The following CASZ1 variants were observed in gnomAD, a reference collection of about 807,000 sequenced individuals.
The protein encoded by CASZ1 is castor zinc finger 1.
In CASZ1, 28 loss-of-function variants were observed where a neutral mutation model predicts 135.2. That is an observed-to-expected ratio of 0.21 (90% CI 0.15 to 0.28). CASZ1 has a LOEUF of 0.28. CASZ1 is among the 10% of genes least tolerant of loss of function. The pLI is 1.00. For missense variants in CASZ1, 2,161 were observed against 2,453.3 expected (o/e 0.88, Z 2.52); for synonymous variants, 1,068 against 1,073.4 (o/e 0.99, Z 0.10).
chr1:10,734,428 C>T (rs1210533594), intron 2 of CASZ1, among the ~76,000 whole-genome samples: 1 of 152,072 alleles, frequency 6.6e-6, no homozygotes, highest in African/African-American at 2.4e-5. Flanking sequence ...TCCCAGTCCC[C>T]ACCTGCTAAC....
chr1:10,674,251 C>T (rs944635408), intron 4 of CASZ1, among the ~76,000 whole-genome samples: 1 of 152,252 alleles, frequency 6.6e-6, no homozygotes, highest in Non-Finnish European at 1.5e-5. Flanking sequence ...ATGGGAAGAC[C>T]TTCTAAGAGG....
In CASZ1 at chr1:10,676,631, C is replaced by G. The variant is rs911829226; in HGVS notation, c.17-11060G>C. 2.4e-4 allele frequency among the ~76,000 whole-genome samples: 37 copies of G among 152,202 alleles called. No homozygotes were observed. The highest frequency in any genetic ancestry group is 8.2e-4 in the African/African-American group (34 of 41,436). ...GTGCCCTGGGATCCTATTTCCACAG[C>G]AGGCCTCCCTCCACCTTGGTGCCTG... On this transcript the variant is annotated intron_variant, in intron 4 of 20. Transcript: ENST00000377022. The surrounding 1 kb of genome is among the most constrained non-coding windows in gnomAD (Gnocchi z 4.5).
intron 2 of CASZ1, among the ~76,000 whole-genome samples, chr1:10,723,361 CTG>C: frequency 6.6e-6 from 1 of 152,156 alleles, no homozygotes; most frequent in Non-Finnish European, 1.5e-5. Flanking sequence ...CTAGGGGGCT[CTG>C]GGGTGTGGGG....
At position 10,643,297 on chromosome 1, in the gene CASZ1, G is replaced by C; in HGVS notation, c.3883C>G (p.Gln1295Glu). The C allele has an allele frequency of 6.2e-7, 1 of 1,612,846 alleles. No homozygotes were observed. ...ECGRLGCKYN[Q>E]VNSHFHCIRE... ...ATGCAGTGGAAGTGGCTGTTCACCTGGTTGTACTTGCAACCTGTGGACACA... is the reference window on the plus strand; with the variant it reads ...ATGCAGTGGAAGTGGCTGTTCACCTCGTTGTACTTGCAACCTGTGGACACA... Residue 1295 changes from glutamine (Q) to glutamate (E), a missense_variant, in exon 19 of 21, where the codon CAG (glutamine) becomes GAG (glutamate). Around this residue, in one of 7 missense-constraint regions of CASZ1, gnomAD observed 349 missense variants for 460.8 expected, o/e 0.76. Transcript: ENST00000377022.
chr1:10,684,852 C>T (rs548684561), intron 4 of CASZ1, among the ~76,000 whole-genome samples: 20 of 152,336 alleles, frequency 1.3e-4, no homozygotes, highest in Admixed American at 1.1e-3. Context: ...CCTCTCCCAT[C>T]TGTAGGTTTT....
At chr1:10,784,863 G>A (rs1178343780) in intron 1 of CASZ1, among the ~76,000 whole-genome samples, 1 of 152,124 alleles carries the variant, frequency 6.6e-6, no homozygotes, top group Non-Finnish European at 1.5e-5. Flanking sequence ...ACCGCACCTG[G>A]CCCCAAGAGT....
At chr1:10,738,329 G>A (rs995811085) in intron 2 of CASZ1, among the ~76,000 whole-genome samples, 4 of 152,248 alleles carry the variant, frequency 2.6e-5, no homozygotes, top group Non-Finnish European at 5.9e-5. Context: ...GACGCGGCAG[G>A]AAACCCGGAA....
Position 10,721,033 on chromosome 1 carries a change from C to T in CASZ1, c.-76-15489G>A, listed in dbSNP as rs938159042. On this transcript the variant is annotated intron_variant, in intron 2 of 20. Coordinates refer to ENST00000377022, the MANE Select transcript of CASZ1 (RefSeq NM_001079843.3). This position sits in a 1 kb window ranked among gnomAD's most constrained non-coding sequence, Gnocchi z 5.4. Reference sequence around the variant, plus strand: ...GCCACAGAGGGCCCTCATCCTGCCTCCTCGCCCGTAACTCTGGTGGGGGTC... The same window carrying T: ...GCCACAGAGGGCCCTCATCCTGCCTTCTCGCCCGTAACTCTGGTGGGGGTC... Among the ~76,000 whole-genome samples, 1 of 152,200 alleles carries T rather than the reference C, an allele frequency of 6.6e-6. No individual in the cohort carries two copies. Among genetic ancestry groups the T allele is most frequent in the Non-Finnish European group, 1.5e-5 (1 of 68,028 alleles).
chr1:10,656,626 C>T lies in CASZ1; in HGVS notation c.1500+20G>A, dbSNP rs902509458. On this transcript the variant is annotated intron_variant, in intron 8 of 20. Coordinates refer to ENST00000377022, the MANE Select transcript of CASZ1 (RefSeq NM_001079843.3). Reference sequence around the variant, plus strand: ...TGTGCTGGTGGCGGAGAGGCGGAGCCCATCTGGCTGTGGCCGTACCTGGTA... The same window carrying T: ...TGTGCTGGTGGCGGAGAGGCGGAGCTCATCTGGCTGTGGCCGTACCTGGTA... 3.5e-5 allele frequency: 55 copies of T among 1,565,242 alleles called. No individual in the cohort carries two copies. In the East Asian group the frequency reaches 1.2e-3, roughly 35 times the overall value.
intron 12 of CASZ1, 89 bp downstream of exon 12, chr1:10,650,852 C>G (rs573276817): frequency 1.4e-5 from 23 of 1,602,966 alleles, no homozygotes; most frequent in Non-Finnish European, 1.8e-5. Context: ...CAGCCGAGCC[C>G]GCTGCAACTG....
At chr1:10,746,247 C>G (rs999916082) in intron 2 of CASZ1, among the ~76,000 whole-genome samples, 2 of 152,108 alleles carry the variant, frequency 1.3e-5, no homozygotes, top group African/African-American at 4.8e-5. Context: ...TCATTACACT[C>G]CATCACTCAC....
chr1:10,682,973 C>T (rs2100366621), intron 4 of CASZ1, among the ~76,000 whole-genome samples: 1 of 152,350 alleles, frequency 6.6e-6, no homozygotes, highest in East Asian at 1.9e-4. Context: ...CTATTCCACT[C>T]GGTCCTCTAA....
At chr1:10,642,029 C>T (rs774144948) in intron 20 of CASZ1, 1 of 152,414 alleles carries the variant, frequency 6.6e-6, no homozygotes, top group East Asian at 1.9e-4. Context: ...TTACCTGCAG[C>T]ATCCTGAACT....
Position 10,709,667 on chromosome 1 carries a change from C to T in CASZ1, c.-76-4123G>A, listed in dbSNP as rs1437152871. ...GAGAGAAAGAGAGGAGAAAAGAAAG[C>T]GAATCAAAGTGCTGCCCGGAGGACG... On this transcript the variant is annotated intron_variant, in intron 2 of 20. Transcript: ENST00000377022. The surrounding 1 kb of genome is among the most constrained non-coding windows in gnomAD (Gnocchi z 5.1). Among the ~76,000 whole-genome samples, 2 of 151,860 alleles carry T rather than the reference C, an allele frequency of 1.3e-5. No individual in the cohort carries two copies. Among genetic ancestry groups the T allele is most frequent in the South Asian group, 2.1e-4 (1 of 4,796 alleles).
At chr1:10,766,204 GCACA>G (rs143572570) in intron 1 of CASZ1, among the ~76,000 whole-genome samples, 44 of 148,588 alleles carry the variant, frequency 3.0e-4, no homozygotes, top group Non-Finnish European at 3.6e-4. Context: ...TTCAGCACGT[GCACA>G]CACACACACA....
rs771713699 is a variant in CASZ1, at chr1:10,701,104, T to C, written c.-24+4388A>G. ...TGTATACCATTGGTGCTTACAAATA[T>C]CTACTTGGGCCCCTGATGCCAGGGC... On this transcript the variant is annotated intron_variant, in intron 3 of 20. Coordinates refer to ENST00000377022, the MANE Select transcript of CASZ1 (RefSeq NM_001079843.3). This position sits in a 1 kb window ranked among gnomAD's most constrained non-coding sequence, Gnocchi z 6.3. Among the ~76,000 whole-genome samples the C allele has an allele frequency of 1.3e-5, 2 of 152,164 alleles. No homozygotes were observed. The highest frequency in any genetic ancestry group is 4.8e-5 in the African/African-American group (2 of 41,440).
chr1:10,788,677 G>A lies in CASZ1; in HGVS notation c.-234+7887C>T, dbSNP rs748819476. Among the ~76,000 whole-genome samples the A allele has an allele frequency of 5.9e-5, 9 of 152,200 alleles. No homozygotes were observed. The highest frequency in any genetic ancestry group is 1.0e-4 in the Non-Finnish European group (7 of 68,032). ...CACAGGCAGGACTCCAGTCGTCTTG[G>A]CAGCAAGTGTCCCTGACCGCTGCCT... On this transcript the variant is annotated intron_variant, in intron 1 of 20. Coordinates refer to ENST00000377022, the MANE Select transcript of CASZ1 (RefSeq NM_001079843.3). The surrounding 1 kb of genome is among the most constrained non-coding windows in gnomAD (Gnocchi z 4.1).
At chr1:10,737,518 C>T (rs1029629986) in intron 2 of CASZ1, among the ~76,000 whole-genome samples, 6 of 152,242 alleles carry the variant, frequency 3.9e-5, no homozygotes, top group Admixed American at 3.9e-4. Flanking sequence ...CGTGACCCAC[C>T]AGCGAGCACA....
At chr1:10,708,973 G>T (rs1007715320) in intron 2 of CASZ1, among the ~76,000 whole-genome samples, 38 of 142,798 alleles carry the variant, frequency 2.7e-4, no homozygotes, top group East Asian at 1.2e-3. Flanking sequence ...GGACGGGGAG[G>T]GGGGGGGCCA....
Sources: allele counts gnomAD v4.1 joint callset (sites outside exome capture counted in the v4.1 genomes callset), GRCh38; gene constraint gnomAD v4.1.1; regional missense constraint gnomAD v4.1.1; non-coding constraint Gnocchi (gnomAD v3.1); transcripts MANE v1.5; gene names NCBI Gene and HGNC (gene_info 2026-07-23, HGNC 2026-07-21).